ZHX2: variants seen among roughly 807,000 people sequenced by gnomAD.
ZHX2 encodes zinc fingers and homeoboxes protein 2.
ZHX2 carries 6 observed loss-of-function variants against 21.9 expected under a neutral mutation model. The ratio of observed to expected loss-of-function variants is 0.27; its 90% CI spans 0.15 to 0.54. ZHX2 has a LOEUF of 0.54. Ranked by LOEUF, ZHX2 falls within the 20% of genes least tolerant of loss-of-function variation. The probability of loss-of-function intolerance (pLI) is 0.95; values close to 1 mark genes in which losing one functional copy is unlikely to be tolerated. For synonymous variants in ZHX2, 434 were observed against 437.1 expected (o/e 0.99, Z 0.09); for missense variants, 908 against 1,090.7 (o/e 0.83, Z 2.36).
At chr8:122,876,367 G>T (rs949861049) in intron 2 of ZHX2, among the ~76,000 whole-genome samples, 1 of 151,980 alleles carries the variant, frequency 6.6e-6, no homozygotes, top group African/African-American at 2.4e-5. Context: ...CCCTTACCCC[G>T]TTACCATGAC....
chr8:122,890,861 A>C (rs34841130), intron 2 of ZHX2, among the ~76,000 whole-genome samples: 121 of 152,098 alleles, frequency 8.0e-4, no homozygotes, highest in Non-Finnish European at 1.6e-3. Flanking sequence ...TTTTTAGTGG[A>C]GCCTAGCTTT....
At chr8:122,955,008 C>G (rs114683119) in intron 3 of ZHX2, among the ~76,000 whole-genome samples, 1 of 147,494 alleles carries the variant, frequency 6.8e-6, no homozygotes, top group Non-Finnish European at 1.5e-5. Flanking sequence ...GCTTGGGTCC[C>G]CATAACCCCT....
At chr8:122,971,435 T>G (rs369055343) in intron 3 of ZHX2, among the ~76,000 whole-genome samples, 1 of 151,862 alleles carries the variant, frequency 6.6e-6, no homozygotes, top group African/African-American at 2.4e-5. Context: ...TGGTTTTATC[T>G]GCAGACTTTT....
At chr8:122,825,150 T>C (rs1244085420) in intron 1 of ZHX2, among the ~76,000 whole-genome samples, 8 of 152,244 alleles carry the variant, frequency 5.3e-5, no homozygotes, top group African/African-American at 1.9e-4. Flanking sequence ...GAGATTGGAA[T>C]GTGGACATCT....
intron 2 of ZHX2, among the ~76,000 whole-genome samples, chr8:122,918,963 AC>A (rs1331346806): frequency 6.6e-6 from 1 of 151,488 alleles, no homozygotes; most frequent in Non-Finnish European, 1.5e-5. Context: ...AAAAAAAAAA[AC>A]TTTATTTACA....
intron 2 of ZHX2, among the ~76,000 whole-genome samples, chr8:122,911,180 C>G (rs1820472160): frequency 6.6e-6 from 1 of 152,020 alleles, no homozygotes; most frequent in South Asian, 2.1e-4. Flanking sequence ...AGCAGGGCAG[C>G]CCCGTAGTCC....
At chr8:122,894,333 C>A (rs1424514458) in intron 2 of ZHX2, among the ~76,000 whole-genome samples, 1 of 152,188 alleles carries the variant, frequency 6.6e-6, no homozygotes, top group African/African-American at 2.4e-5. Context: ...CTGTATGAAA[C>A]CATGAAATAA....
chr8:122,908,349 G>A (rs901904597), intron 2 of ZHX2, among the ~76,000 whole-genome samples: 4 of 152,170 alleles, frequency 2.6e-5, no homozygotes, highest in African/African-American at 9.7e-5. Flanking sequence ...ACAGGCGTGT[G>A]CCACCATGCC....
intron 3 of ZHX2, among the ~76,000 whole-genome samples, chr8:122,961,499 C>T (rs1813441568): frequency 6.6e-6 from 1 of 152,154 alleles, no homozygotes; most frequent in Admixed American, 6.5e-5. Context: ...CTATAAAGAA[C>T]TGCCCAAGAC....
At chr8:122,833,894 G>C (rs922992423) in intron 1 of ZHX2, among the ~76,000 whole-genome samples, 35 of 152,250 alleles carry the variant, frequency 2.3e-4, no homozygotes, top group Admixed American at 5.2e-4. Flanking sequence ...CTACTCGGGA[G>C]GCTGAGGCAG....
intron 1 of ZHX2, among the ~76,000 whole-genome samples, chr8:122,830,885 C>T (rs115293850): frequency 0.025 from 3,764 of 152,186 alleles, 141 homozygotes; most frequent in African/African-American, 0.085. Flanking sequence ...ATGTTTTGTC[C>T]ACAACTGGCG....
At chr8:122,823,199 T>C (rs1204897093) in intron 1 of ZHX2, among the ~76,000 whole-genome samples, 3 of 152,214 alleles carry the variant, frequency 2.0e-5, no homozygotes, top group Non-Finnish European at 4.4e-5. Flanking sequence ...GTCCCTGGAA[T>C]TGGGGACCTT....
rs553510466 is a variant in ZHX2, at chr8:122,902,967, G to A, written c.-220+39428G>A. ...TCCTGGGTGAGCACAGAATCCACTC[G>A]GGAGCTGGTGAGACTCATGTGCACA... On this transcript the variant is annotated intron_variant, in intron 2 of 3. Transcript: ENST00000314393. Among the ~76,000 whole-genome samples, 249 of 152,164 alleles carry A rather than the reference G, an allele frequency of 1.6e-3. 1 individual carries two copies. Among genetic ancestry groups the A allele is most frequent in the Non-Finnish European group, 1.5e-3 (103 of 67,994 alleles).
chr8:122,870,164 C>T (rs891785212), intron 2 of ZHX2, among the ~76,000 whole-genome samples: 1 of 152,112 alleles, frequency 6.6e-6, no homozygotes, highest in African/African-American at 2.4e-5. Flanking sequence ...GTTGCTGGAG[C>T]AGGTAGAGCC....
intron 1 of ZHX2, chr8:122,812,054 G>A (rs1015014470): frequency 6.6e-6 from 1 of 152,296 alleles, no homozygotes; most frequent in East Asian, 1.9e-4. Context: ...GCTAGAAAGC[G>A]GTCATTGTTA....
At chr8:122,835,982 T>C (rs1818486877) in intron 1 of ZHX2, among the ~76,000 whole-genome samples, 1 of 152,090 alleles carries the variant, frequency 6.6e-6, no homozygotes, top group African/African-American at 2.4e-5. Context: ...TTTTTTTTTA[T>C]GAGGCAGCCT....
chr8:122,789,893 A>C (rs1817477378), intron 1 of ZHX2, among the ~76,000 whole-genome samples: 1 of 152,246 alleles, frequency 6.6e-6, no homozygotes, highest in Non-Finnish European at 1.5e-5. Flanking sequence ...TTTCTGCCAG[A>C]GACCCATAGT....
chr8:122,960,867 C>G (rs1346358400), intron 3 of ZHX2, among the ~76,000 whole-genome samples: 1 of 152,190 alleles, frequency 6.6e-6, no homozygotes, highest in Admixed American at 6.5e-5. Context: ...TTGATGCCCT[C>G]TGAGCTACTC....
intron 2 of ZHX2, among the ~76,000 whole-genome samples, chr8:122,938,687 A>C (rs1019994570): frequency 6.6e-6 from 1 of 151,938 alleles, no homozygotes; most frequent in African/African-American, 2.4e-5. Flanking sequence ...AATACAAAAA[A>C]AGTAGCTAGG....
Sources: gnomAD v4.1 joint callset for allele counts (sites outside exome capture counted in the v4.1 genomes callset) on GRCh38, gnomAD v4.1.1 for gene constraint, MANE v1.5 for transcripts, NCBI Gene and HGNC (gene_info 2026-07-23, HGNC 2026-07-21) for gene names.